Variants in SYT10 observed in about 807,000 individuals in gnomAD.
SYT10 encodes synaptotagmin-10.
In SYT10, 31 loss-of-function variants were observed where a neutral mutation model predicts 51.1. The observed-to-expected ratio is 0.61, with a 90% CI of 0.46 to 0.82. SYT10 has a LOEUF of 0.82. SYT10 is among the 40% of genes least tolerant of loss of function. The probability of loss-of-function intolerance (pLI) is 0.00; values close to 1 mark genes in which losing one functional copy is unlikely to be tolerated. For synonymous variants in SYT10, 233 were observed against 225.9 expected, an observed-to-expected ratio of 1.03 and a Z score of -0.28; for missense variants, 603 against 634.0, an observed-to-expected ratio of 0.95 and a Z score of 0.53.
At chr12:33,425,484 A>G (rs916232799) in intron 2 of SYT10, among the ~76,000 whole-genome samples, 1 of 152,162 alleles carries the variant, frequency 6.6e-6, no homozygotes, top group Admixed American at 6.5e-5. Flanking sequence ...CTGAGTTAAA[A>G]TGTATTTCCT....
At chr12:33,436,203 C>T (rs1468698142) in intron 1 of SYT10, among the ~76,000 whole-genome samples, 2 of 152,036 alleles carry the variant, frequency 1.3e-5, no homozygotes, top group East Asian at 1.9e-4. Flanking sequence ...AGTTTAAAAA[C>T]GATTATATAT....
intron 2 of SYT10, among the ~76,000 whole-genome samples, chr12:33,409,873 A>G (rs1422683975): frequency 6.6e-6 from 1 of 152,116 alleles, no homozygotes; most frequent in Admixed American, 6.6e-5. Context: ...AGAATAGGGT[A>G]AAGATGGATT....
intron 6 of SYT10, among the ~76,000 whole-genome samples, chr12:33,377,276 G>T (rs1346380355): frequency 6.6e-6 from 1 of 150,834 alleles, no homozygotes; most frequent in Non-Finnish European, 1.5e-5. Flanking sequence ...GGGTTTAAGC[G>T]ATTCTCTTGC....
chr12:33,393,211 G>A (rs983743345), intron 3 of SYT10, among the ~76,000 whole-genome samples: 2 of 151,964 alleles, frequency 1.3e-5, no homozygotes, highest in Non-Finnish European at 2.9e-5. Context: ...TGAAGTAAGA[G>A]GGAATAGCCC....
At chr12:33,437,526 A>G (rs1473252809) in intron 1 of SYT10, among the ~76,000 whole-genome samples, 1 of 152,208 alleles carries the variant, frequency 6.6e-6, no homozygotes, top group East Asian at 1.9e-4. Context: ...TAACTTCCAC[A>G]TATTTTCCTC....
At chr12:33,416,078 T>C (rs1436440654) in intron 2 of SYT10, among the ~76,000 whole-genome samples, 1 of 120,474 alleles carries the variant, frequency 8.3e-6, no homozygotes, top group Admixed American at 9.3e-5. Context: ...TTCACACCAT[T>C]CTCTTTTATT....
chr12:33,382,806 T>C (rs952958414), intron 4 of SYT10, among the ~76,000 whole-genome samples: 1 of 152,232 alleles, frequency 6.6e-6, no homozygotes, highest in Non-Finnish European at 1.5e-5. Context: ...AAGCGAAAGC[T>C]ATACTTGGAA....
chr12:33,374,340 T>C lies in SYT10; in HGVS notation c.*2490A>G, dbSNP rs1866045190. 6.6e-6 allele frequency: 1 copy of C among 151,832 alleles called. No individual in the cohort carries two copies. Among genetic ancestry groups the C allele is most frequent in the Admixed American group, 6.6e-5 (1 of 15,216 alleles). 9.4% of individuals were successfully genotyped at this position (151,832 alleles called of 1,614,324 possible). A position where few individuals can be genotyped will look rare whatever the true frequency, so the allele number is the denominator to read the frequency against. ...GAACTGCAGCTTCATAATGTGTCAG[T>C]ACTGTCATTAAAATGTGATGTCCCA... On this transcript the variant is annotated 3_prime_UTR_variant, in exon 7 of 7. Transcript: ENST00000228567.
At chr12:33,378,463 G>A (rs986014343) in intron 6 of SYT10, among the ~76,000 whole-genome samples, 2 of 152,160 alleles carry the variant, frequency 1.3e-5, no homozygotes, top group African/African-American at 4.8e-5. Flanking sequence ...GAGGCATGCA[G>A]TTCTATTTTT....
At chr12:33,378,322 A>T (rs9888364) in intron 6 of SYT10, among the ~76,000 whole-genome samples, 49,678 of 152,098 alleles carry the variant, frequency 0.33, 10,226 homozygotes, top group African/African-American at 0.58. Context: ...ATCAGAGAAA[A>T]GTAAAGCTGC....
intron 3 of SYT10, among the ~76,000 whole-genome samples, chr12:33,391,526 T>C (rs549484367): frequency 6.6e-6 from 1 of 152,220 alleles, no homozygotes; most frequent in African/African-American, 2.4e-5. Flanking sequence ...CAGAGTATGA[T>C]TTGAATGGCA....
chr12:33,434,926 A>G (rs1414571485), intron 1 of SYT10, among the ~76,000 whole-genome samples: 1 of 152,280 alleles, frequency 6.6e-6, no homozygotes, highest in Non-Finnish European at 1.5e-5. Context: ...CATGCTATTG[A>G]CTTAATGTGT....
chr12:33,432,121 A>G (rs576808919), intron 1 of SYT10, among the ~76,000 whole-genome samples: 1 of 152,070 alleles, frequency 6.6e-6, no homozygotes, highest in Non-Finnish European at 1.5e-5. Context: ...GTGATATAAG[A>G]TTTCTTTAAA....
intron 3 of SYT10, among the ~76,000 whole-genome samples, chr12:33,404,468 T>C (rs974627747): frequency 6.6e-6 from 1 of 152,166 alleles, no homozygotes; most frequent in East Asian, 1.9e-4. Context: ...CTCAGCTCAC[T>C]GCGACCTCCG....
At chr12:33,378,117 T>C (rs1015047331) in intron 6 of SYT10, among the ~76,000 whole-genome samples, 2 of 152,184 alleles carry the variant, frequency 1.3e-5, no homozygotes, top group Non-Finnish European at 2.9e-5. Flanking sequence ...GTTTGACTAG[T>C]GAATGTAGGA....
At chr12:33,379,003 A>G (rs1245975152) in intron 6 of SYT10, among the ~76,000 whole-genome samples, 3 of 152,132 alleles carry the variant, frequency 2.0e-5, no homozygotes, top group African/African-American at 4.8e-5. Context: ...TGTTCATCCT[A>G]TTTCCCTTAA....
intron 3 of SYT10, among the ~76,000 whole-genome samples, chr12:33,404,345 C>T (rs927478138): frequency 1.2e-4 from 18 of 152,112 alleles, no homozygotes; most frequent in Non-Finnish European, 2.5e-4. Context: ...CTGTCAACCA[C>T]ATTCATTTTA....
chr12:33,434,884 C>A (rs1250707757), intron 1 of SYT10, among the ~76,000 whole-genome samples: 1 of 152,100 alleles, frequency 6.6e-6, no homozygotes, highest in African/African-American at 2.4e-5. Flanking sequence ...GAAGATAAAA[C>A]AATAAACAAG....
Position 33,406,898 on chromosome 12 carries a change from C to G in SYT10, c.968G>C (p.Arg323Thr). The G allele has an allele frequency of 6.2e-7, 1 of 1,614,038 alleles. No individual in the cohort carries two copies. Among genetic ancestry groups the G allele is most frequent in the Non-Finnish European group, 8.5e-7 (1 of 1,180,006 alleles). ...KLHFSVYDFD[R>T]FSRHDMIGEV... ...CCCAATCATGTCATGTCTAGAAAAT[C>G]TGTCAAAATCATACACACTGAAATG... Residue 323 changes from arginine to threonine, a missense_variant, in exon 3 of 7, where the codon AGA (arginine) becomes ACA (threonine). Physicochemically the swap from Arg to Thr is moderately conservative, Grantham distance 71. Transcript: ENST00000228567.
Sources: gnomAD v4.1 joint callset for allele counts (sites outside exome capture counted in the v4.1 genomes callset) on GRCh38, gnomAD v4.1.1 for gene constraint, MANE v1.5 for transcripts, NCBI Gene and HGNC (gene_info 2026-07-23, HGNC 2026-07-21) for gene names.